Variants in CYB5B observed in about 807,000 individuals in gnomAD.
CYB5B encodes the protein cytochrome b5 type B, also known as cytochrome b5 type B (outer mitochondrial membrane).
CYB5B carries 14 observed loss-of-function variants against 21.3 expected under a neutral mutation model. The ratio of observed to expected loss-of-function variants is 0.66; its 90% CI spans 0.43 to 1.03. The LOEUF (loss-of-function observed/expected upper bound fraction) is 1.03, where lower values mean the gene tolerates loss of function less well. Among genes scored for constraint, CYB5B ranks in the 50% least tolerant of loss-of-function variants. The pLI is 0.00. For missense variants in CYB5B, 166 were observed against 185.1 expected, an observed-to-expected ratio of 0.90 and a Z score of 0.60; for synonymous variants, 69 against 68.4, an observed-to-expected ratio of 1.01 and a Z score of -0.04.
At position 69,442,739 on chromosome 16, in the gene CYB5B, C is replaced by A. The variant is rs959006182; in HGVS notation, c.175-4411C>A. 2.7e-5 allele frequency among the ~76,000 whole-genome samples: 4 copies of A among 150,792 alleles called. No homozygotes were observed. The South Asian group carries it at 8.4e-4, about 32-fold the overall frequency. ...GTCTTGCTTGGTTGCCCAGGTTGGTCTTGAATTCCTGGCCTCAAGCAATCT... is the reference window on the plus strand; with the variant it reads ...GTCTTGCTTGGTTGCCCAGGTTGGTATTGAATTCCTGGCCTCAAGCAATCT... On this transcript the variant is annotated intron_variant, in intron 1 of 4. Transcript: ENST00000307892.
At chr16:69,455,561 C>T (rs2014975963) in intron 3 of CYB5B, among the ~76,000 whole-genome samples, 2 of 151,854 alleles carry the variant, frequency 1.3e-5, no homozygotes, top group South Asian at 4.2e-4. Flanking sequence ...GCACACACTG[C>T]CATGCCCAGC....
chr16:69,426,292 G>C (rs961245677), intron 1 of CYB5B, among the ~76,000 whole-genome samples: 1 of 150,576 alleles, frequency 6.6e-6, no homozygotes, highest in Non-Finnish European at 1.5e-5. Flanking sequence ...CCAGCTGCTC[G>C]TGAGGCTGAG....
intron 3 of CYB5B, chr16:69,448,498 G>GA (rs1437721812): frequency 1.4e-5 from 3 of 213,176 alleles, no homozygotes; most frequent in Non-Finnish European, 2.8e-5. Flanking sequence ...TTCTGTGTTG[G>GA]AAAAAAATAA....
intron 3 of CYB5B, among the ~76,000 whole-genome samples, chr16:69,458,150 C>T (rs185501958): frequency 6.6e-6 from 1 of 152,134 alleles, no homozygotes; most frequent in African/African-American, 2.4e-5. Context: ...TATCGTGATA[C>T]AATTCACATA....
intron 1 of CYB5B, among the ~76,000 whole-genome samples, chr16:69,445,956 C>CA (rs953555723): frequency 2.5e-4 from 36 of 145,390 alleles, no homozygotes; most frequent in South Asian, 1.5e-3. Flanking sequence ...AACTCCATCT[C>CA]AAAAAAAAAA....
chr16:69,459,958 T>G (rs932277706), intron 4 of CYB5B, among the ~76,000 whole-genome samples: 1 of 152,146 alleles, frequency 6.6e-6, no homozygotes, highest in Non-Finnish European at 1.5e-5. Flanking sequence ...ACAAAACTTA[T>G]GCTTATGCAG....
intron 3 of CYB5B, among the ~76,000 whole-genome samples, chr16:69,455,043 G>A (rs547551273): frequency 2.3e-4 from 35 of 152,114 alleles, no homozygotes; most frequent in African/African-American, 7.7e-4. Context: ...ACAGGTGTGT[G>A]CCACCACACC....
intron 3 of CYB5B, among the ~76,000 whole-genome samples, chr16:69,450,859 C>G (rs1332203004): frequency 6.6e-6 from 1 of 151,946 alleles, no homozygotes; most frequent in Non-Finnish European, 1.5e-5. Context: ...CTTCTACTCC[C>G]TGTCTGAACT....
At chr16:69,432,943 A>C (rs1285462298) in intron 1 of CYB5B, among the ~76,000 whole-genome samples, 3 of 152,106 alleles carry the variant, frequency 2.0e-5, no homozygotes, top group Non-Finnish European at 4.4e-5. Context: ...GATTACAGGC[A>C]CCTGCCACCA....
chr16:69,451,158 A>G (rs898755447), intron 3 of CYB5B, among the ~76,000 whole-genome samples: 2 of 152,136 alleles, frequency 1.3e-5, no homozygotes, highest in African/African-American at 4.8e-5. Flanking sequence ...ATTAAAAACC[A>G]TTTGTCTTTG....
At chr16:69,460,536 GA>G (rs1199469099) in intron 4 of CYB5B, among the ~76,000 whole-genome samples, 1 of 152,066 alleles carries the variant, frequency 6.6e-6, no homozygotes, top group Non-Finnish European at 1.5e-5. Context: ...GAGTTGGTTG[GA>G]AAGTTTATCA....
At chr16:69,430,638 A>C (rs907870104) in intron 1 of CYB5B, among the ~76,000 whole-genome samples, 4 of 152,096 alleles carry the variant, frequency 2.6e-5, no homozygotes, top group African/African-American at 9.7e-5. Flanking sequence ...ATTTGTCAAA[A>C]GAGTAACTTG....
chr16:69,464,594 G>A lies in CYB5B; in HGVS notation c.*2074G>A, dbSNP rs1001614555. On this transcript the variant is annotated 3_prime_UTR_variant, in exon 5 of 5. Coordinates refer to ENST00000307892, the MANE Select transcript of CYB5B (RefSeq NM_030579.3). Reference sequence around the variant, plus strand: ...CCAAGCCTGAAGATAACTTGAATCAGTTGTAAAAGTGTGTTGGCAATGTCC... The same window carrying A: ...CCAAGCCTGAAGATAACTTGAATCAATTGTAAAAGTGTGTTGGCAATGTCC... 6.6e-6 allele frequency: 1 copy of A among 152,456 alleles called. No homozygotes were observed. The highest frequency in any genetic ancestry group is 1.5e-5 in the Non-Finnish European group (1 of 68,044). 9.4% of individuals were successfully genotyped at this position (152,456 alleles called of 1,614,324 possible). A position where few individuals can be genotyped will look rare whatever the true frequency, so the allele number is the denominator to read the frequency against.
At chr16:69,455,161 T>C (rs1182145303) in intron 3 of CYB5B, among the ~76,000 whole-genome samples, 1 of 152,154 alleles carries the variant, frequency 6.6e-6, no homozygotes, top group Non-Finnish European at 1.5e-5. Flanking sequence ...CCCCAAGTGC[T>C]GGGATTATAG....
chr16:69,459,906 TAA>T (rs1338472689), intron 4 of CYB5B, among the ~76,000 whole-genome samples: 2 of 152,248 alleles, frequency 1.3e-5, no homozygotes, highest in East Asian at 3.9e-4. Flanking sequence ...AAATGCTGCA[TAA>T]AAATTTTGAA....
intron 1 of CYB5B, among the ~76,000 whole-genome samples, chr16:69,445,419 C>A (rs1036884978): frequency 6.6e-6 from 1 of 152,130 alleles, no homozygotes; most frequent in Non-Finnish European, 1.5e-5. Context: ...GTAACACTTA[C>A]AGTTTTTATA....
At chr16:69,431,658 G>A (rs1261956248) in intron 1 of CYB5B, among the ~76,000 whole-genome samples, 1 of 152,126 alleles carries the variant, frequency 6.6e-6, no homozygotes, top group Non-Finnish European at 1.5e-5. Context: ...TGTAGTCCCA[G>A]CTCCTCAGGA....
At chr16:69,451,238 C>G (rs1379140796) in intron 3 of CYB5B, among the ~76,000 whole-genome samples, 1 of 152,182 alleles carries the variant, frequency 6.6e-6, no homozygotes, top group Non-Finnish European at 1.5e-5. Context: ...TTTGACTTAA[C>G]ATTTTTCTGG....
At chr16:69,425,409 AC>A (rs1313384666) in intron 1 of CYB5B, among the ~76,000 whole-genome samples, 1 of 148,694 alleles carries the variant, frequency 6.7e-6, no homozygotes, top group Non-Finnish European at 1.5e-5. Context: ...TCATAAATCA[AC>A]CCTTTTTTTT....
Sources: allele counts gnomAD v4.1 joint callset (sites outside exome capture counted in the v4.1 genomes callset), GRCh38; gene constraint gnomAD v4.1.1; transcripts MANE v1.5; gene names NCBI Gene and HGNC (gene_info 2026-07-23, HGNC 2026-07-21).